Variants in SLC3A1 observed in about 807,000 individuals in gnomAD.
SLC3A1 encodes the protein solute carrier family 3 member 1, also known as amino acid transporter heavy chain SLC3A1.
In SLC3A1, 78 loss-of-function variants were observed where a neutral mutation model predicts 60.3. The ratio of observed to expected loss-of-function variants is 1.29; its 90% CI spans 1.08 to 1.56. The LOEUF (loss-of-function observed/expected upper bound fraction) is 1.56. Among genes scored for constraint, SLC3A1 ranks in the 40% most tolerant of loss-of-function variants. The pLI, the probability that SLC3A1 is intolerant of heterozygous loss-of-function variation, is 0.00. For synonymous variants in SLC3A1, 392 were observed against 307.9 expected, an observed-to-expected ratio of 1.27 and a Z score of -2.86; for missense variants, 1,172 against 858.9, an observed-to-expected ratio of 1.36 and a Z score of -4.56.
intron 4 of SLC3A1, among the ~76,000 whole-genome samples, chr2:44,296,580 T>A (rs1029669253): frequency 1.3e-5 from 2 of 152,192 alleles, no homozygotes; most frequent in African/African-American, 4.8e-5. Flanking sequence ...CATAAAAAAT[T>A]GATTCAAGCT....
In SLC3A1 at chr2:44,321,245, A is replaced by T. The variant is rs149880398; in HGVS notation, c.*606A>T. 2.1e-6 allele frequency: 2 copies of T among 972,434 alleles called. No homozygotes were observed. Among genetic ancestry groups the T allele is most frequent in the Non-Finnish European group, 3.0e-6 (2 of 657,328 alleles). The allele number at this position is 972,434 out of a possible 1,614,324, so 60.2% of individuals were successfully genotyped here. A position where few individuals can be genotyped will look rare whatever the true frequency, so the allele number is the denominator to read the frequency against. On this transcript the variant is annotated 3_prime_UTR_variant, in exon 10 of 10. Coordinates refer to ENST00000260649, the MANE Select transcript of SLC3A1 (RefSeq NM_000341.4). ...TTAGATGGAGAAGCACATTTTAAAA[A>T]ATTAATAACTTAAAAGTCTCAAGTT...
In SLC3A1 at chr2:44,304,183, A is replaced by C; in HGVS notation, c.1177A>C (p.Thr393Pro). The C allele has an allele frequency of 6.2e-7, 1 of 1,614,122 alleles. No homozygotes were observed. The highest frequency in any genetic ancestry group is 8.5e-7 in the Non-Finnish European group (1 of 1,179,982). ...AGCCTATGCAGAGAGTATTGACAGG[A>C]CCGTGATGTACTATGGATTGCCATT... Reference protein sequence around the residue: ...TEAYAESIDRTVMYYGLPFIQ... With the variant: ...TEAYAESIDRPVMYYGLPFIQ... Residue 393 changes from threonine to proline, a missense_variant, in exon 7 of 10, where the codon ACC becomes CCC. Coordinates refer to ENST00000260649, the MANE Select transcript of SLC3A1 (RefSeq NM_000341.4).
intron 3 of SLC3A1, among the ~76,000 whole-genome samples, chr2:44,281,993 T>C (rs964704740): frequency 6.6e-6 from 1 of 152,196 alleles, no homozygotes; most frequent in Non-Finnish European, 1.5e-5. Context: ...TGCCTCAGCC[T>C]TACCAGTAGC....
intron 2 of SLC3A1, 32 bp from the exon 3 acceptor site, chr2:44,281,355 C>A: frequency 6.3e-7 from 1 of 1,579,398 alleles, no homozygotes; most frequent in Non-Finnish European, 8.7e-7. Flanking sequence ...TACAATCTTT[C>A]CCTAGCATTT....
intron 1 of SLC3A1, among the ~76,000 whole-genome samples, chr2:44,279,638 AAAG>A (rs564569757): frequency 1.1e-3 from 164 of 152,326 alleles, no homozygotes; most frequent in Admixed American, 3.8e-3. Context: ...AAAAAGGAAA[AAAG>A]AAGCAGGTGA....
chr2:44,305,594 AT>A lies in SLC3A1; in HGVS notation c.1332+1263del, dbSNP rs547524203. Reference sequence around the variant, plus strand: ...AGGTGCACGCCACCATGCCTGGCTAATTTTTTTATTTTTAGTACAGACGGGG... The same window carrying A: ...AGGTGCACGCCACCATGCCTGGCTAATTTTTTATTTTTAGTACAGACGGGG... On this transcript the variant is annotated intron_variant, in intron 7 of 9. Coordinates refer to ENST00000260649, the MANE Select transcript of SLC3A1 (RefSeq NM_000341.4). Among the ~76,000 whole-genome samples the A allele has an allele frequency of 4.2e-4, 63 of 151,544 alleles. 1 individual carries two copies. The highest frequency in any genetic ancestry group is 1.5e-3 in the African/African-American group (62 of 41,312).
At chr2:44,287,240 G>T (rs748158696) in intron 4 of SLC3A1, among the ~76,000 whole-genome samples, 2 of 152,122 alleles carry the variant, frequency 1.3e-5, no homozygotes, top group African/African-American at 2.4e-5. Flanking sequence ...GCATCGGAGT[G>T]TCAGGTAGAA....
intron 9 of SLC3A1, among the ~76,000 whole-genome samples, chr2:44,315,618 T>C (rs1672410632): frequency 1.6e-5 from 2 of 121,752 alleles, no homozygotes; most frequent in South Asian, 2.6e-4. Context: ...ATTACCCCAA[T>C]GCACTCCAGC....
At chr2:44,286,247 C>T in intron 4 of SLC3A1, 90 bp downstream of exon 4, 1 of 1,238,758 alleles carries the variant, frequency 8.1e-7, no homozygotes, top group Non-Finnish European at 1.2e-6. Flanking sequence ...ATTGTGTAGG[C>T]AAAATCAAGT....
chr2:44,306,026 C>G (rs1672146429), intron 7 of SLC3A1, among the ~76,000 whole-genome samples: 1 of 152,226 alleles, frequency 6.6e-6, no homozygotes. Context: ...TCCCAGCATC[C>G]TTGCACGGTG....
At chr2:44,319,882 A>C in intron 9 of SLC3A1, 1 of 293,362 alleles carries the variant, frequency 3.4e-6, no homozygotes, top group South Asian at 4.1e-5. Context: ...CAAGTTAAAT[A>C]TTCATCTTAG....
intron 9 of SLC3A1, chr2:44,319,428 T>C (rs193080703): frequency 4.3e-4 from 66 of 152,530 alleles, no homozygotes; most frequent in African/African-American, 1.5e-3. Flanking sequence ...AGAAACACTA[T>C]CGTCAAAATG....
intron 4 of SLC3A1, among the ~76,000 whole-genome samples, chr2:44,290,676 T>C (rs1233744445): frequency 2.0e-5 from 2 of 102,260 alleles, no homozygotes; most frequent in African/African-American, 8.4e-5. Context: ...ACTACTTATT[T>C]TTAAGACTTT....
chr2:44,288,438 TTCTA>T (rs1179775872), intron 4 of SLC3A1, among the ~76,000 whole-genome samples: 2 of 150,252 alleles, frequency 1.3e-5, no homozygotes, highest in African/African-American at 4.9e-5. Flanking sequence ...CAAATCTACT[TTCTA>T]TCTTTTTACC....
chr2:44,307,521 G>T (rs951080104), intron 7 of SLC3A1, among the ~76,000 whole-genome samples: 1 of 150,196 alleles, frequency 6.7e-6, no homozygotes, highest in African/African-American at 2.4e-5. Context: ...CTGCCTTTCT[G>T]ATGATGGCCT....
chr2:44,280,246 CT>C (rs111275723), intron 1 of SLC3A1, among the ~76,000 whole-genome samples: 9 of 148,714 alleles, frequency 6.1e-5, no homozygotes, highest in South Asian at 2.1e-4. Flanking sequence ...TTTTCTCTTT[CT>C]TTTTTTTTTG....
At chr2:44,319,097 A>G (rs1414382385) in intron 9 of SLC3A1, 8 of 152,608 alleles carry the variant, frequency 5.2e-5, no homozygotes, top group Non-Finnish European at 1.2e-4. Flanking sequence ...CAAGTCATAC[A>G]TGTATCATAA....
intron 1 of SLC3A1, among the ~76,000 whole-genome samples, chr2:44,278,768 A>C (rs556984893): frequency 6.6e-6 from 1 of 152,110 alleles, no homozygotes; most frequent in African/African-American, 2.4e-5. Context: ...TTCTCAGCCA[A>C]GCCTAGAATT....
At position 44,295,666 on chromosome 2, in the gene SLC3A1, C is replaced by T. The variant is rs150618688; in HGVS notation, c.892-4305C>T. Among the ~76,000 whole-genome samples the T allele has an allele frequency of 3.9e-3, 587 of 152,212 alleles. 5 individuals carry two copies. Among genetic ancestry groups the T allele is most frequent in the African/African-American group, 0.013 (556 of 41,538 alleles). ...ATGCTAGGGCCATAAACCTTCTGTG[C>T]GGTACAAGTTTCTCATGTTTAATGT... On this transcript the variant is annotated intron_variant, in intron 4 of 9. Transcript: ENST00000260649.
Sources: gnomAD v4.1 joint callset for allele counts (sites outside exome capture counted in the v4.1 genomes callset) on GRCh38, gnomAD v4.1.1 for gene constraint, MANE v1.5 for transcripts, NCBI Gene and HGNC (gene_info 2026-07-23, HGNC 2026-07-21) for gene names.